Variants in HMGN5 observed in about 807,000 individuals in gnomAD.
The protein encoded by HMGN5 is high mobility group nucleosome binding domain 5.
Under a neutral mutation model 9.5 loss-of-function variants are expected in HMGN5, and 4 were observed. That is an observed-to-expected ratio of 0.42 (90% CI 0.21 to 0.96). The LOEUF (loss-of-function observed/expected upper bound fraction) is 0.96, where lower values mean the gene tolerates loss of function less well. Ranked by LOEUF, HMGN5 falls within the 40% of genes least tolerant of loss-of-function variation. HMGN5 has a pLI of 0.30. For missense variants in HMGN5, 192 were observed against 187.5 expected (o/e 1.02, Z -0.14); for synonymous variants, 55 against 57.1 (o/e 0.96, Z 0.16).
chrX:81,170,112 G>T (rs928118612), intron 1 of HMGN5, among the ~76,000 whole-genome samples: 2 of 105,862 alleles, frequency 1.9e-5, no homozygotes, highest in Non-Finnish European at 1.9e-5. Context: ...ACCTTCAACA[G>T]TCATCAGTAG....
intron 1 of HMGN5, among the ~76,000 whole-genome samples, chrX:81,153,087 T>C (rs2075368974): frequency 9.3e-6 from 1 of 107,561 alleles, no homozygotes; most frequent in African/African-American, 3.4e-5. Flanking sequence ...ATGGCACATG[T>C]ATACATACGT....
chrX:81,117,298 C>T (rs2147534522), intron 5 of HMGN5, among the ~76,000 whole-genome samples: 1 of 82,959 alleles, frequency 1.2e-5, no homozygotes, highest in African/African-American at 4.9e-5. Context: ...CTCCCTCTGT[C>T]GCCCAGGCTG....
intron 1 of HMGN5, among the ~76,000 whole-genome samples, chrX:81,145,024 T>C (rs1230164006): frequency 2.7e-5 from 3 of 111,785 alleles, no homozygotes; most frequent in East Asian, 5.6e-4. Flanking sequence ...CTACGTTTGA[T>C]TGGTGCACCT....
chrX:81,183,744 T>TG (rs1314324493), intron 1 of HMGN5, among the ~76,000 whole-genome samples: 2 of 112,706 alleles, frequency 1.8e-5, no homozygotes, highest in Non-Finnish European at 3.8e-5. Flanking sequence ...TGTGAGACAT[T>TG]GGTGTCAAAG....
intron 1 of HMGN5, among the ~76,000 whole-genome samples, chrX:81,173,439 G>A (rs777407755): frequency 1.8e-4 from 20 of 111,241 alleles, no homozygotes; most frequent in Non-Finnish European, 3.8e-4. Context: ...TGTAGATTGA[G>A]AAAGGATAGA....
intron 1 of HMGN5, among the ~76,000 whole-genome samples, chrX:81,136,590 T>C (rs2075311663): frequency 9.0e-6 from 1 of 111,459 alleles, no homozygotes; most frequent in Non-Finnish European, 1.9e-5. Context: ...GATAGAATTC[T>C]AAAATATGTT....
At chrX:81,200,694 C>A (rs901796089) in intron 1 of HMGN5, among the ~76,000 whole-genome samples, 3 of 111,091 alleles carry the variant, frequency 2.7e-5, no homozygotes, top group African/African-American at 9.9e-5. Flanking sequence ...ACATCACACC[C>A]CGGGGCCAGT....
At chrX:81,163,525 T>C (rs2075403232) in intron 1 of HMGN5, among the ~76,000 whole-genome samples, 1 of 111,907 alleles carries the variant, frequency 8.9e-6, no homozygotes, top group African/African-American at 3.2e-5. Flanking sequence ...CTCTAGACTT[T>C]TGATGATTTG....
At position 81,151,799 on chromosome X, in the gene HMGN5, A is replaced by G. The variant is rs1449980517; in HGVS notation, c.-123-30127T>C. Among the ~76,000 whole-genome samples, 1,004 of 110,269 alleles carry G rather than the reference A, an allele frequency of 9.1e-3. 9 individuals are homozygous for G. Among genetic ancestry groups the G allele is most frequent in the Middle Eastern group, 0.028 (6 of 214 alleles). ...CTTGTGATTTTTGTACATTGATTTT[A>G]TATCCTGAGACTTTGCTGAAGTTGC... On this transcript the variant is annotated intron_variant, in intron 1 of 6. Coordinates refer to ENST00000358130, the MANE Select transcript of HMGN5 (RefSeq NM_030763.3).
chrX:81,176,978 G>A (rs1602578830), intron 1 of HMGN5, among the ~76,000 whole-genome samples: 1 of 109,899 alleles, frequency 9.1e-6, no homozygotes, highest in Admixed American at 9.8e-5. Context: ...GTAAGAGCAA[G>A]ACACATAATT....
chrX:81,197,159 C>G (rs182242613), intron 1 of HMGN5, among the ~76,000 whole-genome samples: 2 of 112,263 alleles, frequency 1.8e-5, no homozygotes, highest in Admixed American at 1.9e-4. Context: ...ATTTGTATAA[C>G]TTTGTTTTAA....
intron 1 of HMGN5, among the ~76,000 whole-genome samples, chrX:81,143,890 G>C (rs976979908): frequency 8.9e-5 from 10 of 112,267 alleles, no homozygotes; most frequent in African/African-American, 3.2e-4. Context: ...ATGGAAGTTT[G>C]AACTGGGCAG....
chrX:81,145,378 C>A (rs1467999054), intron 1 of HMGN5, among the ~76,000 whole-genome samples: 1 of 111,730 alleles, frequency 9.0e-6, no homozygotes. Context: ...GAATTTTCAA[C>A]CCAGAATTTC....
intron 1 of HMGN5, among the ~76,000 whole-genome samples, chrX:81,188,612 G>T (rs760714816): frequency 9.1e-6 from 1 of 109,322 alleles, no homozygotes; most frequent in African/African-American, 3.3e-5. Context: ...ATCTCCTAAC[G>T]CTATCCCTCC....
rs751314981 is a variant in HMGN5, at chrX:81,158,683, T to C, written c.-123-37011A>G. On this transcript the variant is annotated intron_variant, in intron 1 of 6. Transcript: ENST00000358130. ...CTTTAGTTTAATTCGATCCCATTTG[T>C]CAATTTTTGCTTTTGTTGTAATTGC... 2.7e-5 allele frequency among the ~76,000 whole-genome samples: 3 copies of C among 112,451 alleles called. No individual in the cohort carries two copies. In the South Asian group the frequency reaches 1.1e-3, roughly 41 times the overall value.
intron 1 of HMGN5, among the ~76,000 whole-genome samples, chrX:81,194,758 A>G (rs1246364300): frequency 8.9e-6 from 1 of 112,114 alleles, no homozygotes; most frequent in Non-Finnish European, 1.9e-5. Context: ...GGCTAGAGAA[A>G]CAGGAAATAC....
At chrX:81,178,605 C>T (rs1274403938) in intron 1 of HMGN5, among the ~76,000 whole-genome samples, 3 of 111,546 alleles carry the variant, frequency 2.7e-5, no homozygotes, top group Non-Finnish European at 3.8e-5. Context: ...GATTCACAGC[C>T]GAATTCTACC....
At chrX:81,147,738 G>A (rs981222173) in intron 1 of HMGN5, among the ~76,000 whole-genome samples, 5 of 111,684 alleles carry the variant, frequency 4.5e-5, no homozygotes, top group East Asian at 2.8e-4. Context: ...AAACCCCATC[G>A]TCTCAGCCCA....
chrX:81,152,327 C>G (rs561818453), intron 1 of HMGN5, among the ~76,000 whole-genome samples: 2 of 111,416 alleles, frequency 1.8e-5, no homozygotes, highest in African/African-American at 6.5e-5. Context: ...ATCAAAAAGT[C>G]GGCAAAGGAT....
Sources: allele counts gnomAD v4.1 joint callset (sites outside exome capture counted in the v4.1 genomes callset), GRCh38; gene constraint gnomAD v4.1.1; transcripts MANE v1.5; gene names NCBI Gene and HGNC (gene_info 2026-07-23, HGNC 2026-07-21).